The following GALNT17 variants were observed in gnomAD, a reference collection of about 807,000 sequenced individuals.
GALNT17 encodes the protein polypeptide N-acetylgalactosaminyltransferase 17, also known as UDP-GalNAc:polypeptide N-acetylgalactosaminyltransferase-like 3.
GALNT17 carries 29 observed loss-of-function variants against 63.7 expected under a neutral mutation model. The ratio of observed to expected loss-of-function variants is 0.46; its 90% CI spans 0.34 to 0.62. The LOEUF is 0.62. Among genes scored for constraint, GALNT17 ranks in the 20% least tolerant of loss-of-function variants. The probability of loss-of-function intolerance (pLI) is 0.01; values close to 1 mark genes in which losing one functional copy is unlikely to be tolerated. For synonymous variants in GALNT17, 305 were observed against 318.3 expected, an observed-to-expected ratio of 0.96 and a Z score of 0.45; for missense variants, 603 against 799.6, an observed-to-expected ratio of 0.75 and a Z score of 2.97.
At chr7:71,475,476 G>C (rs891791711) in intron 5 of GALNT17, among the ~76,000 whole-genome samples, 2 of 152,078 alleles carry the variant, frequency 1.3e-5, no homozygotes, top group African/African-American at 4.8e-5. Flanking sequence ...TTCACAATAG[G>C]GTTTCTGCGT....
At chr7:71,174,837 A>G (rs1176128064) in intron 1 of GALNT17, among the ~76,000 whole-genome samples, 1 of 152,064 alleles carries the variant, frequency 6.6e-6, no homozygotes, top group Non-Finnish European at 1.5e-5. Flanking sequence ...TGTAGGTCAC[A>G]GGGGATATGA....
chr7:71,486,187 G>A lies in GALNT17; in HGVS notation c.962+65082G>A, dbSNP rs544093172. Among the ~76,000 whole-genome samples the A allele has an allele frequency of 7.2e-5, 11 of 151,806 alleles. No homozygotes were observed. The South Asian group carries it at 2.3e-3, about 32-fold the overall frequency. On this transcript the variant is annotated intron_variant, in intron 5 of 10. Coordinates refer to ENST00000333538, the MANE Select transcript of GALNT17 (RefSeq NM_022479.3). ...CTACTAAAAATGCAAAAATTTGCCGGGCGTGGTGGCACATGCCTGTAATCC... is the reference window on the plus strand; with the variant it reads ...CTACTAAAAATGCAAAAATTTGCCGAGCGTGGTGGCACATGCCTGTAATCC...
intron 5 of GALNT17, among the ~76,000 whole-genome samples, chr7:71,469,192 A>G (rs954763191): frequency 2.0e-5 from 3 of 152,166 alleles, no homozygotes; most frequent in African/African-American, 7.2e-5. Context: ...AATGACTGCA[A>G]GGAAGTCATT....
chr7:71,493,875 C>T lies in GALNT17; in HGVS notation c.962+72770C>T, dbSNP rs180750484. ...TTTAAATCTATTATATGTTCTCTTT[C>T]TCTCTCTAATAAACATACTTTACTG... On this transcript the variant is annotated intron_variant, in intron 5 of 10. Coordinates refer to ENST00000333538, the MANE Select transcript of GALNT17 (RefSeq NM_022479.3). Among the ~76,000 whole-genome samples the T allele has an allele frequency of 2.9e-4, 44 of 151,838 alleles. 5 individuals are homozygous for T. Among genetic ancestry groups the T allele is most frequent in the East Asian group, 2.9e-3 (15 of 5,180 alleles).
Position 71,712,307 on chromosome 7 carries a change from T to A in GALNT17, c.*161T>A, listed in dbSNP as rs1257852290. On this transcript the variant is annotated 3_prime_UTR_variant, in exon 11 of 11. Coordinates refer to ENST00000333538, the MANE Select transcript of GALNT17 (RefSeq NM_022479.3). ...CAGCACAGGGACCCCGGATGAAGAC[T>A]CTGTCCCCCCTCAGGCATTCAGCTG... is the stretch of plus-strand genomic sequence containing the variant. The A allele has an allele frequency of 2.4e-6, 2 of 837,942 alleles. No individual in the cohort carries two copies. Among genetic ancestry groups the A allele is most frequent in the Non-Finnish European group, 3.5e-6 (2 of 570,036 alleles). The allele number at this position is 837,942 out of a possible 1,614,324, so 51.9% of individuals were successfully genotyped here.
chr7:71,466,645 T>G (rs897385661), intron 5 of GALNT17, among the ~76,000 whole-genome samples: 2 of 152,194 alleles, frequency 1.3e-5, no homozygotes, highest in African/African-American at 4.8e-5. Context: ...CTCTGATGCC[T>G]GCTACCTGGA....
chr7:71,455,773 T>C (rs1787344595), intron 5 of GALNT17, among the ~76,000 whole-genome samples: 1 of 152,128 alleles, frequency 6.6e-6, no homozygotes, highest in South Asian at 2.1e-4. Flanking sequence ...GATGACTTCT[T>C]TGTGAGAGAT....
intron 3 of GALNT17, among the ~76,000 whole-genome samples, chr7:71,400,133 A>G (rs1380185159): frequency 6.6e-6 from 1 of 151,994 alleles, no homozygotes; most frequent in Non-Finnish European, 1.5e-5. Flanking sequence ...TATTTCTCCT[A>G]ATGCTCTCCC....
rs561383417 is a variant in GALNT17, at chr7:71,134,835, G to GTTT, written c.238+1824_238+1826dup. On this transcript the variant is annotated intron_variant, in intron 1 of 10. Coordinates refer to ENST00000333538, the MANE Select transcript of GALNT17 (RefSeq NM_022479.3). ...TTAGTATCAGTTTCTTTGTTTTATG[G>GTTT]TTTTTTTTTTTTTTTTTTTTTTTTT... is the stretch of plus-strand genomic sequence containing the variant. Among the ~76,000 whole-genome samples the GTTT allele has an allele frequency of 1.3e-3, 77 of 57,912 alleles. 2 individuals are homozygous for GTTT. Among genetic ancestry groups the GTTT allele is most frequent in the Non-Finnish European group, 1.6e-3 (56 of 34,364 alleles). The allele number at this position is 57,912 out of a possible 152,430, so 38.0% of individuals were successfully genotyped here.
intron 2 of GALNT17, among the ~76,000 whole-genome samples, chr7:71,365,828 G>A (rs1458464255): frequency 6.6e-6 from 1 of 151,942 alleles, no homozygotes; most frequent in Non-Finnish European, 1.5e-5. Context: ...GGTTGGTTTG[G>A]GGATGATTCA....
chr7:71,439,307 A>C (rs138003031), intron 5 of GALNT17, among the ~76,000 whole-genome samples: 59 of 152,360 alleles, frequency 3.9e-4, no homozygotes, highest in African/African-American at 1.4e-3. Flanking sequence ...GAGTGCACTT[A>C]CAGAATGGTG....
chr7:71,529,971 T>C (rs1036504613), intron 5 of GALNT17, among the ~76,000 whole-genome samples: 3 of 152,220 alleles, frequency 2.0e-5, no homozygotes, highest in African/African-American at 7.2e-5. Flanking sequence ...TGTTTAAAAA[T>C]AGAGATTAAT....
chr7:71,463,316 C>T (rs950982389), intron 5 of GALNT17, among the ~76,000 whole-genome samples: 1 of 152,184 alleles, frequency 6.6e-6, no homozygotes, highest in Non-Finnish European at 1.5e-5. Flanking sequence ...AATTCTTAAA[C>T]AGTCTGAGGG....
intron 5 of GALNT17, among the ~76,000 whole-genome samples, chr7:71,421,396 G>A (rs1425506552): frequency 6.6e-6 from 1 of 152,176 alleles, no homozygotes; most frequent in African/African-American, 2.4e-5. Context: ...GAGGAACTGC[G>A]TTCAGGAGCT....
chr7:71,622,308 C>T (rs1790305655), intron 6 of GALNT17, among the ~76,000 whole-genome samples: 1 of 152,182 alleles, frequency 6.6e-6, no homozygotes, highest in Non-Finnish European at 1.5e-5. Flanking sequence ...TGGGGCTTTC[C>T]TCACATAGAA....
At chr7:71,261,316 C>A (rs1305315906) in intron 1 of GALNT17, among the ~76,000 whole-genome samples, 6 of 152,096 alleles carry the variant, frequency 3.9e-5, no homozygotes, top group Non-Finnish European at 7.4e-5. Flanking sequence ...ACTTGCCAGG[C>A]AGGTGCTTGA....
chr7:71,139,101 T>C (rs988838005), intron 1 of GALNT17, among the ~76,000 whole-genome samples: 2 of 152,246 alleles, frequency 1.3e-5, no homozygotes, highest in African/African-American at 4.8e-5. Flanking sequence ...GTTACTTATT[T>C]CTCTCATTTT....
chr7:71,589,281 TTAAAAG>T (rs1340166679), intron 6 of GALNT17, among the ~76,000 whole-genome samples: 1 of 152,120 alleles, frequency 6.6e-6, no homozygotes, highest in African/African-American at 2.4e-5. Context: ...AAAGGAGAAC[TTAAAAG>T]TAATACCTAG....
intron 5 of GALNT17, among the ~76,000 whole-genome samples, 181 bp from the exon 6 acceptor site, chr7:71,571,101 ATGC>A (rs781345156): frequency 0.1 from 15,146 of 151,372 alleles, 1,600 homozygotes; most frequent in African/African-American, 0.23. Flanking sequence ...AACCCAGTAC[ATGC>A]TAGGCTGGAA....
Sources: allele counts gnomAD v4.1 joint callset (sites outside exome capture counted in the v4.1 genomes callset), GRCh38; gene constraint gnomAD v4.1.1; transcripts MANE v1.5; gene names NCBI Gene and HGNC (gene_info 2026-07-23, HGNC 2026-07-21).